Variants in CNTNAP5 observed in about 807,000 individuals in gnomAD.
The protein encoded by CNTNAP5 is contactin-associated protein-like 5.
In CNTNAP5, 72 loss-of-function variants were observed where a neutral mutation model predicts 150.2. The ratio of observed to expected loss-of-function variants is 0.48; its 90% CI spans 0.40 to 0.58. The LOEUF (loss-of-function observed/expected upper bound fraction) is 0.58, where lower values mean the gene tolerates loss of function less well. CNTNAP5 is among the 20% of genes least tolerant of loss of function. CNTNAP5 has a pLI of 0.00. For synonymous variants in CNTNAP5, 672 were observed against 619.8 expected (o/e 1.08, Z -1.25); for missense variants, 1,636 against 1,626.2 (o/e 1.01, Z -0.10).
rs183016755 is a variant in CNTNAP5 at position 124,178,066 on chromosome 2, C to T, written c.83-43639C>T. Among the ~76,000 whole-genome samples, 253 of 152,046 alleles carry T rather than the reference C, an allele frequency of 1.7e-3. 3 individuals are homozygous for T. The highest frequency in any genetic ancestry group is 3.4e-3 in the Middle Eastern group (1 of 294). Reference sequence around the variant, plus strand: ...TTTACTATGTTGGCCAGGCTGGTCTCGAACTCCTGACCTTACGTGATCCAC... The same window carrying T: ...TTTACTATGTTGGCCAGGCTGGTCTTGAACTCCTGACCTTACGTGATCCAC... On this transcript the variant is annotated intron_variant, in intron 1 of 23. Coordinates refer to ENST00000682447, the MANE Select transcript of CNTNAP5 (RefSeq NM_001367498.1).
At chr2:124,529,129 G>C (rs77956305) in intron 10 of CNTNAP5, among the ~76,000 whole-genome samples, 5,410 of 150,752 alleles carry the variant, frequency 0.036, 141 homozygotes, top group South Asian at 0.066. Flanking sequence ...AAATGTGCTA[G>C]TTTAGAGCTC....
chr2:124,123,456 C>G (rs1683615754), intron 1 of CNTNAP5, among the ~76,000 whole-genome samples: 1 of 152,168 alleles, frequency 6.6e-6, no homozygotes, highest in South Asian at 2.1e-4. Context: ...CTGCCTGCCT[C>G]TGTAGACTCC....
In CNTNAP5 at chr2:124,861,343, C is replaced by A. The variant is rs972672417; in HGVS notation, c.3218-3963C>A. On this transcript the variant is annotated intron_variant, in intron 19 of 23. Coordinates refer to ENST00000682447, the MANE Select transcript of CNTNAP5 (RefSeq NM_001367498.1). ...GTCTTAGCACTTTGGGAGGCTGAGA[C>A]GGGTGGATCACCTGAGGTCAGGAGA... Among the ~76,000 whole-genome samples the A allele has an allele frequency of 2.0e-5, 3 of 151,850 alleles. No homozygotes were observed. In the South Asian group the frequency reaches 6.2e-4, roughly 32 times the overall value.
At chr2:124,855,166 G>GTTTT (rs1558801475) in intron 19 of CNTNAP5, among the ~76,000 whole-genome samples, 2 of 77,500 alleles carry the variant, frequency 2.6e-5, no homozygotes, top group African/African-American at 9.1e-5. Context: ...TTGGGCTTTT[G>GTTTT]CTTTTTTTTT....
At chr2:124,615,291 CA>C (rs1049148161) in intron 12 of CNTNAP5, among the ~76,000 whole-genome samples, 8 of 152,308 alleles carry the variant, frequency 5.3e-5, no homozygotes, top group Non-Finnish European at 1.0e-4. Context: ...GAACTTCTTT[CA>C]AAATTGAAGT....
At chr2:124,470,427 T>C (rs1432504720) in intron 6 of CNTNAP5, among the ~76,000 whole-genome samples, 1 of 152,172 alleles carries the variant, frequency 6.6e-6, no homozygotes, top group Non-Finnish European at 1.5e-5. Flanking sequence ...TGTTTTTTTC[T>C]AGTAAATTTA....
chr2:124,564,441 C>T (rs1476005796), intron 11 of CNTNAP5, among the ~76,000 whole-genome samples: 9 of 152,214 alleles, frequency 5.9e-5, no homozygotes, highest in Non-Finnish European at 1.2e-4. Flanking sequence ...CTGGAACCTC[C>T]GCCTCCTGGT....
Position 124,682,135 on chromosome 2 carries a change from T to C in CNTNAP5, c.2077+34177T>C, listed in dbSNP as rs187154036. Among the ~76,000 whole-genome samples the C allele has an allele frequency of 4.6e-5, 7 of 152,278 alleles. No homozygotes were observed. The East Asian group carries it at 1.2e-3, about 25-fold the overall frequency. ...GGTGCTCTCTTCTTTCCGAGGTCTT[T>C]TTCGGCATGTACACATCCATGCACA... On this transcript the variant is annotated intron_variant, in intron 13 of 23. Coordinates refer to ENST00000682447, the MANE Select transcript of CNTNAP5 (RefSeq NM_001367498.1).
chr2:124,727,225 A>T (rs2105122998), intron 13 of CNTNAP5, among the ~76,000 whole-genome samples: 1 of 152,156 alleles, frequency 6.6e-6, no homozygotes, highest in South Asian at 2.1e-4. Context: ...CCATATTATT[A>T]TGACTACTGT....
At chr2:124,601,661 C>G (rs1300197407) in intron 11 of CNTNAP5, among the ~76,000 whole-genome samples, 2 of 151,062 alleles carry the variant, frequency 1.3e-5, no homozygotes, top group Non-Finnish European at 2.9e-5. Context: ...AGTCAAGCAT[C>G]ACGTGCTATT....
intron 3 of CNTNAP5, among the ~76,000 whole-genome samples, chr2:124,399,319 T>C (rs569330021): frequency 2.6e-4 from 40 of 152,246 alleles, no homozygotes; most frequent in Middle Eastern, 3.4e-3. Context: ...ATCTTCTCCA[T>C]AGAGTGCTAG....
intron 1 of CNTNAP5, among the ~76,000 whole-genome samples, chr2:124,125,326 A>G (rs879024002): frequency 1.2e-4 from 18 of 152,234 alleles, no homozygotes; most frequent in African/African-American, 3.6e-4. Context: ...AGGCCATTAC[A>G]TAATGGTAAA....
intron 3 of CNTNAP5, among the ~76,000 whole-genome samples, chr2:124,299,992 C>T (rs1688535563): frequency 6.6e-6 from 1 of 152,204 alleles, no homozygotes; most frequent in Non-Finnish European, 1.5e-5. Context: ...AATCTCAATT[C>T]AAGTATGGCT....
intron 1 of CNTNAP5, among the ~76,000 whole-genome samples, chr2:124,069,145 C>T (rs1682237456): frequency 6.6e-6 from 1 of 152,014 alleles, no homozygotes; most frequent in South Asian, 2.1e-4. Flanking sequence ...TGTCAGCATT[C>T]ACAAGGGCCT....
chr2:124,544,799 A>G (rs1215379426), intron 10 of CNTNAP5, among the ~76,000 whole-genome samples: 1 of 152,178 alleles, frequency 6.6e-6, no homozygotes, highest in Admixed American at 6.5e-5. Flanking sequence ...CCAGAGGTTA[A>G]GTATAAAGAT....
chr2:124,404,563 A>G (rs903294369), intron 3 of CNTNAP5, among the ~76,000 whole-genome samples: 19 of 152,192 alleles, frequency 1.2e-4, no homozygotes, highest in African/African-American at 4.6e-4. Flanking sequence ...CCATTCATTA[A>G]CCAAACAGTG....
chr2:124,669,745 A>G (rs189415133), intron 13 of CNTNAP5, among the ~76,000 whole-genome samples: 1 of 152,226 alleles, frequency 6.6e-6, no homozygotes, highest in Non-Finnish European at 1.5e-5. Flanking sequence ...AGACCAAAAA[A>G]CCTATGAGTT....
chr2:124,309,300 C>T (rs1688766582), intron 3 of CNTNAP5, among the ~76,000 whole-genome samples: 2 of 152,226 alleles, frequency 1.3e-5, no homozygotes, highest in African/African-American at 4.8e-5. Context: ...GTGACAGCAA[C>T]TCTAAAGGAC....
intron 1 of CNTNAP5, among the ~76,000 whole-genome samples, chr2:124,044,923 CACACACACAT>C (rs148332384): frequency 2.6e-4 from 39 of 148,442 alleles, no homozygotes; most frequent in African/African-American, 7.9e-4. Flanking sequence ...CACACACACA[CACACACACAT>C]GAATAAGTGA....
Sources: gnomAD v4.1 joint callset for allele counts (sites outside exome capture counted in the v4.1 genomes callset) on GRCh38, gnomAD v4.1.1 for gene constraint, MANE v1.5 for transcripts, NCBI Gene and HGNC (gene_info 2026-07-23, HGNC 2026-07-21) for gene names.